Variants in PATL1 observed in about 807,000 individuals in gnomAD.
PATL1 encodes the protein protein PAT1 homolog 1.
In PATL1, 32 loss-of-function variants were observed where a neutral mutation model predicts 100.6. The observed-to-expected ratio is 0.32, with a 90% CI of 0.24 to 0.43. The LOEUF is 0.43. Among genes scored for constraint, PATL1 ranks in the 20% least tolerant of loss-of-function variants. The pLI is 1.00. For synonymous variants in PATL1, 332 were observed against 330.0 expected, an observed-to-expected ratio of 1.01 and a Z score of -0.07; for missense variants, 747 against 949.9, an observed-to-expected ratio of 0.79 and a Z score of 2.81.
At chr11:59,660,786 G>A (rs1861615814) in intron 2 of PATL1, among the ~76,000 whole-genome samples, 1 of 152,188 alleles carries the variant, frequency 6.6e-6, no homozygotes. Context: ...CTGCTGTGCT[G>A]AAAACAGGCT....
intron 16 of PATL1, 186 bp downstream of exon 16, chr11:59,642,694 A>C: frequency 5.1e-6 from 3 of 585,256 alleles, no homozygotes; most frequent in Non-Finnish European, 5.7e-6. Context: ...ATTTCACACT[A>C]GACACATAAA....
chr11:59,650,686 T>G, intron 13 of PATL1, 68 bp downstream of exon 13: 2 of 1,108,878 alleles, frequency 1.8e-6, no homozygotes, highest in Non-Finnish European at 2.6e-6. Context: ...CTGTTTCAGT[T>G]CTAGTATATA....
rs775770882 is a variant in PATL1, at chr11:59,639,241, A to G, written c.2142-44T>C. 5 of 1,595,342 alleles carry G rather than the reference A, an allele frequency of 3.1e-6. No individual in the cohort carries two copies. The South Asian group carries it at 3.4e-5, about 11-fold the overall frequency. ...AATAATATCAGGAGAAAAAAATTTA[A>G]AAGATTACCTCAAAGAACTTAAAAT... On this transcript the variant is annotated intron_variant, in intron 17 of 18. Transcript: ENST00000300146.
intron 14 of PATL1, among the ~76,000 whole-genome samples, chr11:59,648,571 A>G (rs1861397109): frequency 6.6e-6 from 1 of 151,926 alleles, no homozygotes; most frequent in Non-Finnish European, 1.5e-5. Context: ...AGAGTTAATT[A>G]GTGTTACCAT....
At position 59,639,029 on chromosome 11, in the gene PATL1, T is replaced by G; in HGVS notation, c.2291+19A>C. On this transcript the variant is annotated intron_variant, in intron 18 of 18. Coordinates refer to ENST00000300146, the MANE Select transcript of PATL1 (RefSeq NM_152716.3). ...TCCCAACTTTAGTGAGATGTGAAAC[T>G]CTCCTGTTTCAAACTTACTGCAGTT... is the stretch of plus-strand genomic sequence containing the variant. 2 of 1,610,374 alleles carry G rather than the reference T, an allele frequency of 1.2e-6. No individual in the cohort carries two copies. The highest frequency in any genetic ancestry group is 1.7e-6 in the Non-Finnish European group (2 of 1,178,090).
intron 8 of PATL1, among the ~76,000 whole-genome samples, chr11:59,654,425 C>T (rs1232605681): frequency 3.4e-5 from 5 of 148,514 alleles, no homozygotes; most frequent in Admixed American, 1.4e-4. Context: ...TGCAGTGAGC[C>T]GAGATCGTGT....
chr11:59,639,275 A>AAACAG lies in PATL1; in HGVS notation c.2141+12_2141+16dup. 6.4e-7 allele frequency: 1 copy of AAACAG among 1,560,668 alleles called. No individual in the cohort carries two copies. The highest frequency in any genetic ancestry group is 2.4e-5 in the East Asian group (1 of 41,688). On this transcript the variant is annotated intron_variant, in intron 17 of 18. Transcript: ENST00000300146. Reference sequence around the variant, plus strand: ...CTCAAAGAACTTAAAATAAGAGAAGAAACAGTCCACACTGACCACTGATTA... The same window carrying AAACAG: ...CTCAAAGAACTTAAAATAAGAGAAGAAACAGAACAGTCCACACTGACCACTGATTA...
intron 15 of PATL1, among the ~76,000 whole-genome samples, chr11:59,643,366 A>G (rs1305002072): frequency 6.6e-6 from 1 of 152,118 alleles, no homozygotes; most frequent in Non-Finnish European, 1.5e-5. Context: ...GGCTAAAAAC[A>G]AATGGCAAAA....
At position 59,655,516 on chromosome 11, in the gene PATL1, T is replaced by C; in HGVS notation, c.1031+7A>G. 1 of 1,553,080 alleles carries C rather than the reference T, an allele frequency of 6.4e-7. No homozygotes were observed. Among genetic ancestry groups the C allele is most frequent in the Non-Finnish European group, 8.7e-7 (1 of 1,146,114 alleles). On this transcript the variant is annotated splice_region_variant and intron_variant, in intron 8 of 18. Transcript: ENST00000300146. ...AACTGATAAACAGTGGCGTTGATTT[T>C]GTATACCTTAGGTTTTGCAGGTGGG...
Position 59,639,397 on chromosome 11 carries a change from C to T in PATL1, c.2050-14G>A, listed in dbSNP as rs1861242592. ...TGACAGGCCAAACTACGAGAAAAGA[C>T]AGAGGGAATCAAACTCAACACTGTG... is the stretch of plus-strand genomic sequence containing the variant. On this transcript the variant is annotated splice_polypyrimidine_tract_variant and intron_variant, in intron 16 of 18. Transcript: ENST00000300146. 6.5e-7 allele frequency: 1 copy of T among 1,544,532 alleles called. No homozygotes were observed.
In PATL1 at chr11:59,650,615, A is replaced by G. The variant is rs1166914202; in HGVS notation, c.1584+139T>C. 5 of 608,912 alleles carry G rather than the reference A, an allele frequency of 8.2e-6. No homozygotes were observed. The African/African-American group carries it at 9.4e-5, about 11-fold the overall frequency. The allele number at this position is 608,912 out of a possible 1,614,324, so 37.7% of individuals were successfully genotyped here. ...CCTTTCCAAAGTTATGTGGTACACA[A>G]TAGTCACTTACCAGCAATATATTCA... On this transcript the variant is annotated intron_variant, in intron 13 of 18. Coordinates refer to ENST00000300146, the MANE Select transcript of PATL1 (RefSeq NM_152716.3).
At chr11:59,668,835 GGGCGC>G in intron 1 of PATL1, 41 bp downstream of exon 1, 2 of 1,251,520 alleles carry the variant, frequency 1.6e-6, no homozygotes, top group Non-Finnish European at 1.1e-6. Context: ...TGAGGGAGAG[GGGCGC>G]GGGAGGGAGG....
At chr11:59,668,831 A>C in intron 1 of PATL1, 50 bp downstream of exon 1, 1 of 945,582 alleles carries the variant, frequency 1.1e-6, no homozygotes, top group Non-Finnish European at 1.5e-6. Context: ...AGAGTGAGGG[A>C]GAGGGGCGCG....
intron 2 of PATL1, among the ~76,000 whole-genome samples, chr11:59,663,069 C>T (rs903587093): frequency 6.6e-6 from 1 of 152,070 alleles, no homozygotes; most frequent in African/African-American, 2.4e-5. Context: ...AACAATATTT[C>T]ACCCTGTATC....
intron 2 of PATL1, among the ~76,000 whole-genome samples, chr11:59,664,895 A>G (rs1014068708): frequency 1.3e-5 from 2 of 152,196 alleles, no homozygotes; most frequent in African/African-American, 4.8e-5. Flanking sequence ...GATTATCACT[A>G]AACTATCTTC....
intron 16 of PATL1, 49 bp from the exon 17 acceptor site, chr11:59,639,432 C>A: frequency 1.4e-6 from 2 of 1,386,862 alleles, no homozygotes; most frequent in South Asian, 2.5e-5. Flanking sequence ...GTCTAAACCT[C>A]CTCCACCACT....
At position 59,669,002 on chromosome 11, in the gene PATL1, T is replaced by G; in HGVS notation, c.-107A>C. Reference sequence around the variant, plus strand: ...GGGTCCTCCACCGGCTCGCGACCCCTGGCCGCCGCCGTACGCCGGAGCGTG... The same window carrying G: ...GGGTCCTCCACCGGCTCGCGACCCCGGGCCGCCGCCGTACGCCGGAGCGTG... On this transcript the variant is annotated 5_prime_UTR_variant, in exon 1 of 19. Coordinates refer to ENST00000300146, the MANE Select transcript of PATL1 (RefSeq NM_152716.3). 3.7e-6 allele frequency: 1 copy of G among 267,956 alleles called. No individual in the cohort carries two copies. The highest frequency in any genetic ancestry group is 7.2e-6 in the Non-Finnish European group (1 of 138,756). The allele number at this position is 267,956 out of a possible 1,614,324, so 16.6% of individuals were successfully genotyped here.
chr11:59,648,185 CTTTTTTT>C (rs887689437), intron 14 of PATL1, among the ~76,000 whole-genome samples: 2 of 130,468 alleles, frequency 1.5e-5, no homozygotes, highest in African/African-American at 2.9e-5. Context: ...AACTTTTTTT[CTTTTTTT>C]TTTTTTTTTT....
At chr11:59,662,408 G>T (rs1024929519) in intron 2 of PATL1, among the ~76,000 whole-genome samples, 1 of 152,104 alleles carries the variant, frequency 6.6e-6, no homozygotes, top group African/African-American at 2.4e-5. Flanking sequence ...TTACAGAAAA[G>T]AATTTAAGGT....
Sources: allele counts gnomAD v4.1 joint callset (sites outside exome capture counted in the v4.1 genomes callset), GRCh38; gene constraint gnomAD v4.1.1; transcripts MANE v1.5; gene names NCBI Gene and HGNC (gene_info 2026-07-23, HGNC 2026-07-21).